Variants in FHIT observed in about 807,000 individuals in gnomAD.
The protein encoded by FHIT is fragile histidine triad diadenosine triphosphatase.
FHIT carries 19 observed loss-of-function variants against 17.9 expected under a neutral mutation model. That is an observed-to-expected ratio of 1.06 (90% CI 0.74 to 1.56). The LOEUF is 1.56. Among genes scored for constraint, FHIT ranks in the 40% most tolerant of loss-of-function variants. FHIT has a pLI of 0.00. For synonymous variants in FHIT, 81 were observed against 69.7 expected (o/e 1.16, Z -0.81); for missense variants, 248 against 189.2 (o/e 1.31, Z -1.82).
chr3:60,922,910 G>T (rs1707358942), intron 3 of FHIT, among the ~76,000 whole-genome samples: 1 of 152,188 alleles, frequency 6.6e-6, no homozygotes, highest in African/African-American at 2.4e-5. Flanking sequence ...ATGCCTTTCA[G>T]CATGTGGTAT....
intron 5 of FHIT, among the ~76,000 whole-genome samples, chr3:60,226,640 T>C (rs560249318): frequency 2.4e-4 from 37 of 152,036 alleles, no homozygotes; most frequent in African/African-American, 8.7e-4. Flanking sequence ...AAAGGAAGCA[T>C]GGAGGGAAAA....
chr3:60,579,366 ATATAT>A (rs1413789663), intron 4 of FHIT, among the ~76,000 whole-genome samples: 6 of 152,180 alleles, frequency 3.9e-5, no homozygotes, highest in Admixed American at 6.6e-5. Flanking sequence ...TACAGTAAAA[ATATAT>A]TATAATCTTA....
At chr3:60,213,843 G>A (rs1157516543) in intron 5 of FHIT, among the ~76,000 whole-genome samples, 2 of 152,116 alleles carry the variant, frequency 1.3e-5, no homozygotes, top group Non-Finnish European at 2.9e-5. Flanking sequence ...GAGGAACAAG[G>A]ACATGTCAAT....
chr3:60,333,298 CAAAG>C (rs1710077685), intron 5 of FHIT, among the ~76,000 whole-genome samples: 1 of 152,140 alleles, frequency 6.6e-6, no homozygotes, highest in African/African-American at 2.4e-5. Flanking sequence ...AAGGGGGAAA[CAAAG>C]GTATCATTTG....
At chr3:59,856,276 T>G (rs1008354031) in intron 8 of FHIT, among the ~76,000 whole-genome samples, 4 of 152,202 alleles carry the variant, frequency 2.6e-5, no homozygotes, top group Non-Finnish European at 5.9e-5. Context: ...AACAAAAAGT[T>G]TATATAGCCC....
intron 8 of FHIT, among the ~76,000 whole-genome samples, chr3:59,851,360 C>A (rs1472024933): frequency 1.3e-5 from 2 of 152,162 alleles, no homozygotes; most frequent in Non-Finnish European, 2.9e-5. Flanking sequence ...TTCTTATGTG[C>A]CAGACCTATG....
intron 5 of FHIT, among the ~76,000 whole-genome samples, chr3:60,044,924 C>T (rs1701589119): frequency 6.6e-6 from 1 of 152,072 alleles, no homozygotes. Flanking sequence ...AACTAATAAT[C>T]GTGCTTAAAA....
chr3:60,050,825 C>T (rs532787949), intron 5 of FHIT, among the ~76,000 whole-genome samples: 5 of 152,206 alleles, frequency 3.3e-5, no homozygotes, highest in East Asian at 3.9e-4. Context: ...TCAATAAATA[C>T]GCCCCTTAGC....
At chr3:60,131,065 ATG>A (rs376211838) in intron 5 of FHIT, among the ~76,000 whole-genome samples, 7 of 58,082 alleles carry the variant, frequency 1.2e-4, no homozygotes, top group African/African-American at 3.5e-4. Flanking sequence ...ATACATACAC[ATG>A]TATGTATGTA....
intron 5 of FHIT, among the ~76,000 whole-genome samples, chr3:60,392,859 A>G (rs1282595600): frequency 6.6e-6 from 1 of 152,158 alleles, no homozygotes; most frequent in Non-Finnish European, 1.5e-5. Flanking sequence ...GGTATGCTCA[A>G]GACATTTTGC....
At chr3:60,123,439 A>G (rs1054576029) in intron 5 of FHIT, among the ~76,000 whole-genome samples, 3 of 152,214 alleles carry the variant, frequency 2.0e-5, no homozygotes, top group Admixed American at 1.3e-4. Flanking sequence ...TTATCTTTCT[A>G]TAAGAGACTG....
chr3:60,218,055 TTTA>T (rs1160198999), intron 5 of FHIT, among the ~76,000 whole-genome samples: 1 of 152,136 alleles, frequency 6.6e-6, no homozygotes, highest in Non-Finnish European at 1.5e-5. Flanking sequence ...GTGCAAAATG[TTTA>T]TTATTGTTTT....
chr3:60,902,738 C>T (rs1353770369), intron 3 of FHIT, among the ~76,000 whole-genome samples: 1 of 152,266 alleles, frequency 6.6e-6, no homozygotes, highest in Non-Finnish European at 1.5e-5. Flanking sequence ...CCTTCCTAAC[C>T]TAGTTTGAGC....
intron 8 of FHIT, among the ~76,000 whole-genome samples, chr3:59,828,718 G>T (rs964766000): frequency 6.6e-6 from 1 of 152,180 alleles, no homozygotes. Flanking sequence ...GGTTAAGGCA[G>T]ACTTAACGGG....
intron 3 of FHIT, among the ~76,000 whole-genome samples, chr3:60,881,071 AC>A (rs2107126451): frequency 6.6e-6 from 1 of 152,350 alleles, no homozygotes; most frequent in East Asian, 1.9e-4. Flanking sequence ...TACTAAGGAT[AC>A]ATACAGATTA....
chr3:61,008,099 A>C (rs1351556438), intron 3 of FHIT, among the ~76,000 whole-genome samples: 1 of 152,164 alleles, frequency 6.6e-6, no homozygotes, highest in African/African-American at 2.4e-5. Flanking sequence ...TCTCTTACTA[A>C]TCACCTGCAC....
At chr3:60,061,384 T>A (rs1012887736) in intron 5 of FHIT, among the ~76,000 whole-genome samples, 5 of 152,206 alleles carry the variant, frequency 3.3e-5, no homozygotes, top group African/African-American at 1.2e-4. Flanking sequence ...TCCTCTCTGG[T>A]TTGCGTCTTA....
intron 5 of FHIT, among the ~76,000 whole-genome samples, chr3:60,025,678 A>C (rs1559558668): frequency 6.6e-6 from 1 of 152,166 alleles, no homozygotes; most frequent in Non-Finnish European, 1.5e-5. Flanking sequence ...GATCCATTCA[A>C]AATTAAAGAA....
chr3:59,806,053 C>T (rs1334679643), intron 8 of FHIT, among the ~76,000 whole-genome samples: 9 of 151,842 alleles, frequency 5.9e-5, no homozygotes, highest in South Asian at 4.2e-4. Context: ...TGGTGGCGGG[C>T]GCCTGTAGTC....
Sources: gnomAD v4.1 joint callset for allele counts (sites outside exome capture counted in the v4.1 genomes callset) on GRCh38, gnomAD v4.1.1 for gene constraint, MANE v1.5 for transcripts, NCBI Gene and HGNC (gene_info 2026-07-23, HGNC 2026-07-21) for gene names.